ATXN7L1: variants seen among roughly 807,000 people sequenced by gnomAD.
ATXN7L1 encodes the protein ataxin 7 like 1.
A neutral mutation model predicts 70.8 loss-of-function variants in ATXN7L1; 15 were observed. The ratio of observed to expected loss-of-function variants is 0.21; its 90% confidence interval spans 0.14 to 0.33. ATXN7L1 has a LOEUF of 0.33. ATXN7L1 is among the 10% of genes least tolerant of loss of function. ATXN7L1 has a pLI of 1.00. For missense variants in ATXN7L1, 975 were observed against 1,097.1 expected, an observed-to-expected ratio of 0.89 and a Z score of 1.57; for synonymous variants, 440 against 445.1, an observed-to-expected ratio of 0.99 and a Z score of 0.14.
intron 3 of ATXN7L1, among the ~76,000 whole-genome samples, chr7:105,777,908 T>G (rs938551121): frequency 6.6e-6 from 1 of 152,254 alleles, no homozygotes; most frequent in Non-Finnish European, 1.5e-5. Flanking sequence ...TTGTTTGTTT[T>G]TACTCTTCTG....
chr7:105,868,833 A>T (rs1428307330), intron 2 of ATXN7L1, among the ~76,000 whole-genome samples: 1 of 152,246 alleles, frequency 6.6e-6, no homozygotes, highest in Admixed American at 6.5e-5. Flanking sequence ...ATAGAATGAT[A>T]CAGGATGAGA....
chr7:105,738,106 T>C (rs1443158385), intron 3 of ATXN7L1, among the ~76,000 whole-genome samples: 1 of 152,228 alleles, frequency 6.6e-6, no homozygotes, highest in Non-Finnish European at 1.5e-5. Context: ...CACATCACAC[T>C]GGGCAACCTT....
chr7:105,829,845 T>A (rs1232553695), intron 2 of ATXN7L1, among the ~76,000 whole-genome samples: 1 of 152,230 alleles, frequency 6.6e-6, no homozygotes, highest in East Asian at 1.9e-4. Flanking sequence ...TACAGGGACC[T>A]TCTCTGGAAA....
At chr7:105,871,221 C>T (rs1334535203) in intron 2 of ATXN7L1, among the ~76,000 whole-genome samples, 4 of 151,920 alleles carry the variant, frequency 2.6e-5, no homozygotes. Context: ...AGTTCCACCC[C>T]CCTTTCTTTA....
At chr7:105,670,880 A>G (rs976323552) in intron 3 of ATXN7L1, among the ~76,000 whole-genome samples, 9 of 151,724 alleles carry the variant, frequency 5.9e-5, no homozygotes, top group East Asian at 1.9e-4. Context: ...GCCGAGGCGG[A>G]TGGATCACGA....
At chr7:105,848,285 G>T (rs1814363622) in intron 2 of ATXN7L1, among the ~76,000 whole-genome samples, 1 of 152,128 alleles carries the variant, frequency 6.6e-6, no homozygotes, top group Admixed American at 6.6e-5. Context: ...ACTCCTGATG[G>T]GAGTATTAAT....
At chr7:105,703,038 C>T (rs890641509) in intron 3 of ATXN7L1, among the ~76,000 whole-genome samples, 1 of 152,200 alleles carries the variant, frequency 6.6e-6, no homozygotes, top group African/African-American at 2.4e-5. Context: ...ATGGCGTGAA[C>T]CTAGGAGGCG....
At chr7:105,776,499 C>A (rs1374376018) in intron 3 of ATXN7L1, among the ~76,000 whole-genome samples, 1 of 151,932 alleles carries the variant, frequency 6.6e-6, no homozygotes, top group Middle Eastern at 3.4e-3. Context: ...AACAACCCCC[C>A]CCCCAAAACA....
chr7:105,703,041 A>G (rs1013726785), intron 3 of ATXN7L1, among the ~76,000 whole-genome samples: 3 of 152,176 alleles, frequency 2.0e-5, no homozygotes, highest in Non-Finnish European at 2.9e-5. Flanking sequence ...GCGTGAACCT[A>G]GGAGGCGGAG....
intron 2 of ATXN7L1, among the ~76,000 whole-genome samples, chr7:105,874,891 T>C (rs571955481): frequency 3.9e-5 from 6 of 152,378 alleles, no homozygotes; most frequent in African/African-American, 7.2e-5. Flanking sequence ...GGCCTACTTA[T>C]GTCTGAACTC....
chr7:105,856,613 T>G (rs532206852), intron 2 of ATXN7L1, among the ~76,000 whole-genome samples: 1 of 150,970 alleles, frequency 6.6e-6, no homozygotes, highest in South Asian at 2.1e-4. Context: ...AGAATTTAAA[T>G]ATTTTATTCT....
intron 4 of ATXN7L1, chr7:105,649,602 C>T: frequency 2.0e-6 from 2 of 987,526 alleles, no homozygotes; most frequent in Non-Finnish European, 2.4e-6. Context: ...GGTGCCATTG[C>T]AAGAGCCACC....
chr7:105,869,191 T>C (rs1563158226), intron 2 of ATXN7L1, among the ~76,000 whole-genome samples: 1 of 152,044 alleles, frequency 6.6e-6, no homozygotes, highest in Non-Finnish European at 1.5e-5. Flanking sequence ...CATCCTTCCA[T>C]CCCAAAAGCT....
chr7:105,870,605 C>A (rs1057214620), intron 2 of ATXN7L1, among the ~76,000 whole-genome samples: 1 of 152,052 alleles, frequency 6.6e-6, no homozygotes, highest in Non-Finnish European at 1.5e-5. Context: ...GCACAGGAAC[C>A]CTATTCCTTA....
intron 4 of ATXN7L1, among the ~76,000 whole-genome samples, chr7:105,654,038 T>A (rs2115995963): frequency 6.6e-6 from 1 of 152,342 alleles, no homozygotes; most frequent in African/African-American, 2.4e-5. Flanking sequence ...GTGAGCTGCC[T>A]GATGATGGGA....
At chr7:105,840,258 G>C (rs1813012570) in intron 2 of ATXN7L1, among the ~76,000 whole-genome samples, 1 of 152,240 alleles carries the variant, frequency 6.6e-6, no homozygotes. Flanking sequence ...AGACAGTAAA[G>C]CTGGATTGGA....
At chr7:105,863,574 C>A (rs1045923621) in intron 2 of ATXN7L1, among the ~76,000 whole-genome samples, 1 of 152,176 alleles carries the variant, frequency 6.6e-6, no homozygotes. Context: ...TTAGTCCTAA[C>A]CCTGCTCCTA....
intron 2 of ATXN7L1, among the ~76,000 whole-genome samples, chr7:105,872,656 C>G (rs2116682192): frequency 1.3e-5 from 2 of 152,040 alleles, no homozygotes; most frequent in African/African-American, 4.8e-5. Flanking sequence ...GTTACCAGGG[C>G]TGAGAGGAAT....
chr7:105,705,952 C>G (rs770743317), intron 3 of ATXN7L1, among the ~76,000 whole-genome samples: 14 of 152,262 alleles, frequency 9.2e-5, no homozygotes, highest in Middle Eastern at 6.8e-3. Context: ...TATAAAGAGC[C>G]CAAGTCAGGA....
Sources: gnomAD v4.1 joint callset for allele counts (sites outside exome capture counted in the v4.1 genomes callset) on GRCh38, gnomAD v4.1.1 for gene constraint, MANE v1.5 for transcripts, NCBI Gene and HGNC (gene_info 2026-07-23, HGNC 2026-07-21) for gene names.